The following ARHGAP6 variants were observed in gnomAD, a reference collection of about 807,000 sequenced individuals.
ARHGAP6 encodes rho GTPase-activating protein 6.
A neutral mutation model predicts 55.7 loss-of-function variants in ARHGAP6; 16 were observed. The observed-to-expected ratio is 0.29, with a 90% CI of 0.19 to 0.44. ARHGAP6 has a LOEUF of 0.44. Among genes scored for constraint, ARHGAP6 ranks in the 20% least tolerant of loss-of-function variants. The probability of loss-of-function intolerance (pLI) is 1.00; values close to 1 mark genes in which losing one functional copy is unlikely to be tolerated. For missense variants in ARHGAP6, 698 were observed against 808.9 expected (o/e 0.86, Z 1.66); for synonymous variants, 382 against 360.9 (o/e 1.06, Z -0.66).
At chrX:11,532,011 T>C (rs28567941) in intron 1 of ARHGAP6, among the ~76,000 whole-genome samples, 14,651 of 112,139 alleles carry the variant, frequency 0.13, 1,034 homozygotes, top group African/African-American at 0.26. Flanking sequence ...AGGATGCTAT[T>C]GAGGCATTGG....
chrX:11,339,555 C>T (rs974896778), intron 1 of ARHGAP6, among the ~76,000 whole-genome samples: 1 of 110,634 alleles, frequency 9.0e-6, no homozygotes, highest in Non-Finnish European at 1.9e-5. Flanking sequence ...TCATGGTGGG[C>T]CCTCAATAAA....
At position 11,139,313 on chromosome X, in the gene ARHGAP6, C is replaced by G. The variant is rs2045588154; in HGVS notation, c.2475G>C (p.Gln825His). 1 of 1,183,538 alleles carries G rather than the reference C, an allele frequency of 8.4e-7. No individual in the cohort carries two copies. Among genetic ancestry groups the G allele is most frequent in the Non-Finnish European group, 1.1e-6 (1 of 882,526 alleles). The change falls in exon 13 of 13, where the codon CAG becomes CAC. Residue 825 changes from glutamine (Q) to histidine (H), a missense_variant. Transcript: ENST00000337414. Reference sequence around the variant, plus strand: ...TGGGCCGCTCGGCTTTCCCTGCCACCTGGACGTGGGGCGTGCTGCAGGCGC... The same window carrying G: ...TGGGCCGCTCGGCTTTCCCTGCCACGTGGACGTGGGGCGTGCTGCAGGCGC... ...VSRACSTPHVQVAGKAERPTA... is the reference protein window; with the variant it reads ...VSRACSTPHVHVAGKAERPTA...
chrX:11,623,236 G>A (rs973954769), intron 1 of ARHGAP6, among the ~76,000 whole-genome samples: 1 of 111,517 alleles, frequency 9.0e-6, no homozygotes, highest in Non-Finnish European at 1.9e-5. Context: ...ATTCAGTAAA[G>A]TTGTAGTATA....
chrX:11,621,533 G>A (rs2052230293), intron 1 of ARHGAP6, among the ~76,000 whole-genome samples: 1 of 111,341 alleles, frequency 9.0e-6, no homozygotes, highest in Non-Finnish European at 1.9e-5. Context: ...TTAGATTTGA[G>A]GCAGCTGGTA....
rs139857346 is a variant in ARHGAP6 at position 11,534,717 on chromosome X, G to T, written c.588+129524C>A. Among the ~76,000 whole-genome samples, 425 of 111,392 alleles carry T rather than the reference G, an allele frequency of 3.8e-3. 2 individuals carry two copies. Among genetic ancestry groups the T allele is most frequent in the African/African-American group, 0.012 (377 of 30,624 alleles). ...TTTCTAGTAGCCACATTAAAAAAGT[G>T]AAAAGAAACAGGTGAAACTGATTTT... On this transcript the variant is annotated intron_variant, in intron 1 of 12. Transcript: ENST00000337414.
rs868254219 is a variant in ARHGAP6, at chrX:11,190,460, G to T, written c.821-1476C>A. The stretch of plus-strand genomic sequence containing the variant: ...GACCTCCTGTTATGTACCCTGAGGA[G>T]ATATATATATATATATATATACATA... On this transcript the variant is annotated intron_variant, in intron 3 of 12. Coordinates refer to ENST00000337414, the MANE Select transcript of ARHGAP6 (RefSeq NM_013427.3). Among the ~76,000 whole-genome samples the T allele has an allele frequency of 1.4e-4, 11 of 76,963 alleles. No individual in the cohort carries two copies. In the East Asian group the frequency reaches 2.4e-3, roughly 17 times the overall value. 66.8% of individuals were successfully genotyped at this position (76,963 alleles called of 115,157 possible).
chrX:11,141,373 G>C (rs992439852), intron 12 of ARHGAP6, among the ~76,000 whole-genome samples: 8 of 101,003 alleles, frequency 7.9e-5, no homozygotes, highest in Admixed American at 7.3e-4. Context: ...TGTAAAAAAA[G>C]AAAATGCAAG....
chrX:11,459,325 C>A (rs760958978), intron 1 of ARHGAP6, among the ~76,000 whole-genome samples: 69 of 111,555 alleles, frequency 6.2e-4, no homozygotes, highest in Non-Finnish European at 7.7e-4. Flanking sequence ...CTGAAGCAGG[C>A]AGAAATTAGT....
intron 9 of ARHGAP6, among the ~76,000 whole-genome samples, chrX:11,167,699 T>A (rs748756051): frequency 3.6e-5 from 4 of 111,680 alleles, no homozygotes; most frequent in Non-Finnish European, 7.5e-5. Context: ...GCTTAGATAA[T>A]AGAATTAAGT....
chrX:11,180,875 C>G (rs1345509986), intron 6 of ARHGAP6, among the ~76,000 whole-genome samples: 3 of 112,196 alleles, frequency 2.7e-5, no homozygotes, highest in Non-Finnish European at 5.6e-5. Context: ...TCAAACACAC[C>G]ATGCTTCTTT....
chrX:11,491,597 T>C (rs1364087037), intron 1 of ARHGAP6, among the ~76,000 whole-genome samples: 14 of 112,039 alleles, frequency 1.2e-4, no homozygotes, highest in African/African-American at 4.5e-4. Context: ...CCACATTTTC[T>C]TAATCCAGTC....
At chrX:11,226,123 A>G (rs1205279073) in intron 2 of ARHGAP6, among the ~76,000 whole-genome samples, 2 of 108,465 alleles carry the variant, frequency 1.8e-5, no homozygotes, top group South Asian at 4.2e-4. Context: ...TACATTAGGT[A>G]TATCTCCCAA....
chrX:11,389,086 T>A (rs1471010819), intron 1 of ARHGAP6, among the ~76,000 whole-genome samples: 1 of 111,858 alleles, frequency 8.9e-6, no homozygotes, highest in Non-Finnish European at 1.9e-5. Context: ...TTTTTTATTG[T>A]CATGATTGGC....
chrX:11,376,589 C>T (rs1297060054), intron 1 of ARHGAP6, among the ~76,000 whole-genome samples: 1 of 113,052 alleles, frequency 8.8e-6, no homozygotes, highest in Non-Finnish European at 1.9e-5. Flanking sequence ...GAATTCTAGT[C>T]TACAGAACTA....
At chrX:11,521,693 A>G (rs2050929297) in intron 1 of ARHGAP6, among the ~76,000 whole-genome samples, 1 of 111,187 alleles carries the variant, frequency 9.0e-6, no homozygotes, top group Non-Finnish European at 1.9e-5. Flanking sequence ...AATTCTGTGA[A>G]GAAAGGCATT....
intron 1 of ARHGAP6, chrX:11,299,081 A>C (rs2048134955): frequency 1.1e-6 from 1 of 946,850 alleles, no homozygotes; most frequent in South Asian, 2.1e-5. Context: ...GAGTTGTAGT[A>C]GTTACAGGTC....
At chrX:11,249,750 G>A (rs1242031170) in intron 2 of ARHGAP6, among the ~76,000 whole-genome samples, 4 of 111,804 alleles carry the variant, frequency 3.6e-5, no homozygotes, top group African/African-American at 9.7e-5. Flanking sequence ...AGAGAAGTTA[G>A]CCTTTAGTTT....
intron 1 of ARHGAP6, among the ~76,000 whole-genome samples, chrX:11,516,948 C>T (rs748437609): frequency 2.5e-4 from 28 of 111,844 alleles, no homozygotes; most frequent in Admixed American, 2.1e-3. Context: ...TTCACAGCTT[C>T]CGCTACTGTT....
chrX:11,623,565 C>T (rs1213017565), intron 1 of ARHGAP6, among the ~76,000 whole-genome samples: 2 of 108,279 alleles, frequency 1.8e-5, no homozygotes, highest in Admixed American at 9.9e-5. Flanking sequence ...GGCATGGCGG[C>T]GGGCACCTGT....
Sources: gnomAD v4.1 joint callset for allele counts (sites outside exome capture counted in the v4.1 genomes callset) on GRCh38, gnomAD v4.1.1 for gene constraint, MANE v1.5 for transcripts, NCBI Gene and HGNC (gene_info 2026-07-23, HGNC 2026-07-21) for gene names.